METTL8: variants seen among roughly 807,000 people sequenced by gnomAD.
METTL8 encodes the protein methyltransferase 8, tRNA N3-cytidine, also known as tRNA N(3)-cytidine methyltransferase METTL8, mitochondrial.
In METTL8, 32 loss-of-function variants were observed where a neutral mutation model predicts 48.7. The observed-to-expected ratio is 0.66, with a 90% CI of 0.50 to 0.88. The LOEUF (loss-of-function observed/expected upper bound fraction) is 0.88. Ranked by LOEUF, METTL8 falls within the 40% of genes least tolerant of loss-of-function variation. The pLI, the probability that METTL8 is intolerant of heterozygous loss-of-function variation, is 0.00. For missense variants in METTL8, 464 were observed against 474.4 expected (o/e 0.98, Z 0.20); for synonymous variants, 136 against 157.1 (o/e 0.87, Z 1.01).
At chr2:171,421,539 T>C (rs77870332) in intron 1 of METTL8, among the ~76,000 whole-genome samples, 1,731 of 152,012 alleles carry the variant, frequency 0.011, 44 homozygotes, top group African/African-American at 0.038. Context: ...ACTTAGGAAG[T>C]TGTAAAATAT....
chr2:171,400,608 T>C (rs75289251), intron 1 of METTL8, among the ~76,000 whole-genome samples: 1,719 of 152,290 alleles, frequency 0.011, 43 homozygotes, highest in African/African-American at 0.038. Flanking sequence ...CATAACAATA[T>C]GTATAATCTG....
chr2:171,347,108 A>T (rs975319222), intron 3 of METTL8, among the ~76,000 whole-genome samples: 5 of 152,184 alleles, frequency 3.3e-5, no homozygotes, highest in Non-Finnish European at 7.3e-5. Context: ...AGTGTTACAG[A>T]GGGGATGCAG....
At position 171,356,956 on chromosome 2, in the gene METTL8, T is replaced by TTTTTTTTTTTTTTTG. The variant is rs1441572426; in HGVS notation, c.235+3465_235+3466insCAAAAAAAAAAAAAA. 2.2e-3 allele frequency among the ~76,000 whole-genome samples: 270 copies of TTTTTTTTTTTTTTTG among 121,796 alleles called. 30 individuals carry two copies. Among genetic ancestry groups the TTTTTTTTTTTTTTTG allele is most frequent in the Non-Finnish European group, 3.5e-3 (200 of 57,074 alleles). 79.9% of individuals were successfully genotyped at this position (121,796 alleles called of 152,430 possible). A position where few individuals can be genotyped will look rare whatever the true frequency, so the allele number is the denominator to read the frequency against. ...TTAGCCTTGTTCAAAGACAATATTTTTTTTTTTTTTTTTGAGACAGGGTCT... is the reference window on the plus strand; with the variant it reads ...TTAGCCTTGTTCAAAGACAATATTTTTTTTTTTTTTTTTTGTTTTTTTTTTTTTGAGACAGGGTCT... On this transcript the variant is annotated intron_variant, in intron 3 of 9. Transcript: ENST00000375258.
At chr2:171,428,700 T>C (rs1692667677) in intron 1 of METTL8, among the ~76,000 whole-genome samples, 1 of 152,098 alleles carries the variant, frequency 6.6e-6, no homozygotes, top group Non-Finnish European at 1.5e-5. Flanking sequence ...CACAACAGTA[T>C]ACACAGTAAC....
chr2:171,430,739 C>T (rs1273054992), intron 1 of METTL8, among the ~76,000 whole-genome samples: 1 of 152,052 alleles, frequency 6.6e-6, no homozygotes, highest in Non-Finnish European at 1.5e-5. Flanking sequence ...TGAAACCTGA[C>T]CTTCAAGCTG....
intron 3 of METTL8, among the ~76,000 whole-genome samples, chr2:171,358,431 C>G (rs181083669): frequency 1.3e-3 from 196 of 151,378 alleles, no homozygotes; most frequent in Non-Finnish European, 2.4e-3. Flanking sequence ...CTACAGCAAC[C>G]AAATTGGCAT....
chr2:171,361,786 G>A (rs754662519), intron 2 of METTL8, among the ~76,000 whole-genome samples: 5 of 152,098 alleles, frequency 3.3e-5, no homozygotes, highest in Non-Finnish European at 7.4e-5. Flanking sequence ...GGCAGTGGGG[G>A]ACACAGAGAG....
chr2:171,356,608 A>G (rs939326932), intron 3 of METTL8, among the ~76,000 whole-genome samples: 1 of 150,354 alleles, frequency 6.7e-6, no homozygotes, highest in Non-Finnish European at 1.5e-5. Context: ...TCTATTCTCT[A>G]TTTTCATAAA....
intron 7 of METTL8, among the ~76,000 whole-genome samples, chr2:171,329,705 T>C (rs376827482): frequency 2.0e-5 from 3 of 152,228 alleles, no homozygotes; most frequent in African/African-American, 7.2e-5. Flanking sequence ...TAAAGGGTCC[T>C]AGTGGCCTTT....
intron 2 of METTL8, among the ~76,000 whole-genome samples, chr2:171,386,879 G>A (rs1262719731): frequency 6.6e-6 from 1 of 152,074 alleles, no homozygotes; most frequent in African/African-American, 2.4e-5. Flanking sequence ...GCTGGACATG[G>A]CGAGAAGCAC....
rs747609703 is a variant in METTL8, at chr2:171,348,816, A to G, written c.236-9262T>C. 3.3e-5 allele frequency among the ~76,000 whole-genome samples: 5 copies of G among 152,164 alleles called. 1 individual carries two copies. Among genetic ancestry groups the G allele is most frequent in the Non-Finnish European group, 7.3e-5 (5 of 68,040 alleles). On this transcript the variant is annotated intron_variant, in intron 3 of 9. Coordinates refer to ENST00000375258, the MANE Select transcript of METTL8 (RefSeq NM_001321154.2). ...TGTCTATTTTATAAACTATTTTTAA[A>G]AAGAAAAAAAAAGAACCAACATGTT...
chr2:171,403,659 G>T (rs911412339), intron 1 of METTL8, among the ~76,000 whole-genome samples: 4 of 152,068 alleles, frequency 2.6e-5, no homozygotes, highest in Non-Finnish European at 5.9e-5. Flanking sequence ...ACTAACAAGG[G>T]AGACGGGGTA....
chr2:171,362,182 G>A (rs968987157), intron 2 of METTL8, among the ~76,000 whole-genome samples: 1 of 152,194 alleles, frequency 6.6e-6, no homozygotes, highest in African/African-American at 2.4e-5. Flanking sequence ...ACAGTGAAGC[G>A]GGGAAGGACT....
chr2:171,365,083 G>A (rs1685578469), intron 2 of METTL8, among the ~76,000 whole-genome samples: 1 of 152,140 alleles, frequency 6.6e-6, no homozygotes, highest in South Asian at 2.1e-4. Flanking sequence ...TCCCCTGTGT[G>A]AGACACCCAT....
chr2:171,372,764 G>C (rs536165658), intron 2 of METTL8, among the ~76,000 whole-genome samples: 1 of 152,276 alleles, frequency 6.6e-6, no homozygotes, highest in Non-Finnish European at 1.5e-5. Flanking sequence ...ATAGTTTGCT[G>C]AGAATGATGG....
At chr2:171,373,330 TG>T (rs1191561304) in intron 2 of METTL8, among the ~76,000 whole-genome samples, 1 of 152,224 alleles carries the variant, frequency 6.6e-6, no homozygotes, top group South Asian at 2.1e-4. Flanking sequence ...TTGATGGGGT[TG>T]TTTTTTTCTT....
At chr2:171,351,930 C>T (rs1479649794) in intron 3 of METTL8, among the ~76,000 whole-genome samples, 5 of 152,190 alleles carry the variant, frequency 3.3e-5, no homozygotes, top group Non-Finnish European at 7.3e-5. Flanking sequence ...TTGACTTTCT[C>T]TTTTCCTAAT....
intron 1 of METTL8, among the ~76,000 whole-genome samples, chr2:171,421,339 T>C (rs1691850954): frequency 6.6e-6 from 1 of 152,196 alleles, no homozygotes; most frequent in Non-Finnish European, 1.5e-5. Context: ...CTCAGGAGGC[T>C]GAGGCAGGAG....
intron 5 of METTL8, among the ~76,000 whole-genome samples, chr2:171,333,375 G>C (rs1485042094): frequency 6.6e-6 from 1 of 152,188 alleles, no homozygotes; most frequent in South Asian, 2.1e-4. Flanking sequence ...TGGGATTACA[G>C]GAGTGAGCCA....
Sources: allele counts gnomAD v4.1 joint callset (sites outside exome capture counted in the v4.1 genomes callset), GRCh38; gene constraint gnomAD v4.1.1; transcripts MANE v1.5; gene names NCBI Gene and HGNC (gene_info 2026-07-23, HGNC 2026-07-21).